The following CDH13 variants were observed in gnomAD, a reference collection of about 807,000 sequenced individuals.
CDH13 encodes cadherin-13.
CDH13 carries 24 observed loss-of-function variants against 63.8 expected under a neutral mutation model. That is an observed-to-expected ratio of 0.38 (90% confidence interval 0.27 to 0.53). The LOEUF (loss-of-function observed/expected upper bound fraction) is 0.53, where lower values mean the gene tolerates loss of function less well. Among genes scored for constraint, CDH13 ranks in the 20% least tolerant of loss-of-function variants. The probability of loss-of-function intolerance (pLI) is 0.85; values close to 1 mark genes in which losing one functional copy is unlikely to be tolerated. For synonymous variants in CDH13, 503 were observed against 355.3 expected (o/e 1.42, Z -4.67); for missense variants, 1,049 against 903.1 (o/e 1.16, Z -2.07).
chr16:83,532,296 G>T (rs1287445479), intron 7 of CDH13, among the ~76,000 whole-genome samples: 2 of 152,150 alleles, frequency 1.3e-5, no homozygotes, highest in Non-Finnish European at 2.9e-5. Context: ...ACTCCTCAAA[G>T]GTGACTTCTG....
intron 2 of CDH13, among the ~76,000 whole-genome samples, chr16:82,894,440 G>C (rs191729995): frequency 6.6e-6 from 1 of 152,118 alleles, no homozygotes; most frequent in African/African-American, 2.4e-5. Flanking sequence ...TCAAGAGTTC[G>C]AGACCAGCCT....
chr16:83,145,602 G>T (rs528455055), intron 4 of CDH13, among the ~76,000 whole-genome samples: 1 of 152,188 alleles, frequency 6.6e-6, no homozygotes, highest in Non-Finnish European at 1.5e-5. Flanking sequence ...TTGATATTCT[G>T]CCTTTGCACT....
intron 2 of CDH13, among the ~76,000 whole-genome samples, chr16:82,980,031 T>C (rs1910052351): frequency 6.6e-6 from 1 of 152,120 alleles, no homozygotes; most frequent in Non-Finnish European, 1.5e-5. Flanking sequence ...AAATGCATAG[T>C]TGAAGTACAG....
chr16:82,806,165 C>G (rs1313009416), intron 1 of CDH13, among the ~76,000 whole-genome samples: 1 of 152,206 alleles, frequency 6.6e-6, no homozygotes, highest in African/African-American at 2.4e-5. Context: ...CATATAAGGA[C>G]TCTTCTCTTG....
chr16:83,156,867 C>T (rs1318640680), intron 4 of CDH13, among the ~76,000 whole-genome samples: 1 of 152,138 alleles, frequency 6.6e-6, no homozygotes. Flanking sequence ...TCTCTCTGAT[C>T]CGGAAGGCGG....
At chr16:83,627,489 T>C (rs1400133861) in intron 8 of CDH13, among the ~76,000 whole-genome samples, 1 of 152,210 alleles carries the variant, frequency 6.6e-6, no homozygotes, top group African/African-American at 2.4e-5. Context: ...TTATCTTTCC[T>C]CATCTGGAGT....
At chr16:83,534,122 C>T (rs1160385358) in intron 7 of CDH13, among the ~76,000 whole-genome samples, 2 of 152,100 alleles carry the variant, frequency 1.3e-5, no homozygotes, top group African/African-American at 2.4e-5. Context: ...AGTAGTTGCT[C>T]CCCATCCTCC....
chr16:83,132,449 C>CAAA (rs1344043830), intron 4 of CDH13, among the ~76,000 whole-genome samples: 6 of 98,926 alleles, frequency 6.1e-5, no homozygotes, highest in African/African-American at 2.1e-4. Context: ...CCCAACACCC[C>CAAA]CCCCTTTTTT....
At chr16:83,349,465 C>T (rs936833786) in intron 6 of CDH13, among the ~76,000 whole-genome samples, 5 of 152,058 alleles carry the variant, frequency 3.3e-5, no homozygotes, top group African/African-American at 1.2e-4. Context: ...GTCAGGCTCC[C>T]ACAGAAGCAG....
At chr16:83,234,577 G>T (rs1000850962) in intron 5 of CDH13, among the ~76,000 whole-genome samples, 2 of 152,172 alleles carry the variant, frequency 1.3e-5, no homozygotes, top group East Asian at 1.9e-4. Context: ...ACTGAGCACC[G>T]CTGGGGTTCA....
intron 2 of CDH13, among the ~76,000 whole-genome samples, chr16:82,915,829 A>G (rs541953473): frequency 6.7e-6 from 1 of 150,036 alleles, no homozygotes; most frequent in African/African-American, 2.5e-5. Context: ...CAAAATAGGC[A>G]TGTTGCATTT....
intron 2 of CDH13, chr16:82,858,802 T>A (rs2039810600): frequency 2.6e-6 from 1 of 384,432 alleles, no homozygotes; most frequent in Non-Finnish European, 4.6e-6. Flanking sequence ...ATCCCCAAAA[T>A]CAAAATCATT....
rs536734706 is a variant in CDH13 at position 83,534,925 on chromosome 16, A to T, written c.960+48270A>T. ...CAAATTCATTAGAGCACAAATGTCA[A>T]TGTCTAGGACAATTTTATAGGACAA... On this transcript the variant is annotated intron_variant, in intron 7 of 13. Coordinates refer to ENST00000567109, the MANE Select transcript of CDH13 (RefSeq NM_001257.5). Among the ~76,000 whole-genome samples, 14 of 152,354 alleles carry T rather than the reference A, an allele frequency of 9.2e-5. No homozygotes were observed. In the South Asian group the frequency reaches 2.5e-3, roughly 27 times the overall value.
At chr16:83,004,593 G>A (rs913977324) in intron 2 of CDH13, among the ~76,000 whole-genome samples, 1 of 152,098 alleles carries the variant, frequency 6.6e-6, no homozygotes, top group African/African-American at 2.4e-5. Flanking sequence ...TGCCTCCCAG[G>A]TTCAAGCGAT....
At chr16:82,848,561 C>G (rs1018939926) in intron 1 of CDH13, among the ~76,000 whole-genome samples, 1 of 143,004 alleles carries the variant, frequency 7.0e-6, no homozygotes, top group African/African-American at 2.6e-5. Context: ...TTTGATGTTA[C>G]TATTGTGATT....
intron 1 of CDH13, among the ~76,000 whole-genome samples, chr16:82,837,620 C>T (rs1000222595): frequency 1.3e-5 from 2 of 152,186 alleles, no homozygotes; most frequent in Non-Finnish European, 2.9e-5. Flanking sequence ...AATGCAGTCA[C>T]ACAGGATGTG....
chr16:83,676,504 C>A (rs1914966870), intron 9 of CDH13, among the ~76,000 whole-genome samples: 2 of 152,182 alleles, frequency 1.3e-5, no homozygotes, highest in South Asian at 2.1e-4. Context: ...GTTTACTTTA[C>A]CGAAGTTGCA....
chr16:83,140,261 C>T (rs1400570512), intron 4 of CDH13, among the ~76,000 whole-genome samples: 1 of 152,162 alleles, frequency 6.6e-6, no homozygotes, highest in Admixed American at 6.5e-5. Flanking sequence ...ATACCTATTC[C>T]TACACATGAC....
rs1021522546 is a variant in CDH13 at position 83,157,912 on chromosome 16, C to CA, written c.483+32420dup. Among the ~76,000 whole-genome samples, 20 of 148,322 alleles carry CA rather than the reference C, an allele frequency of 1.3e-4. No homozygotes were observed. The East Asian group carries it at 1.4e-3, about 10-fold the overall frequency. ...TGGGTGACAGAGTGAGACTCTGTCT[C>CA]AAAAAAAAAGAAAGAAAAAAGAAAA... is the stretch of plus-strand genomic sequence containing the variant. On this transcript the variant is annotated intron_variant, in intron 4 of 13. Transcript: ENST00000567109.
Sources: allele counts gnomAD v4.1 joint callset (sites outside exome capture counted in the v4.1 genomes callset), GRCh38; gene constraint gnomAD v4.1.1; transcripts MANE v1.5; gene names NCBI Gene and HGNC (gene_info 2026-07-23, HGNC 2026-07-21).